The following TEAD1 variants were observed in gnomAD, a reference collection of about 807,000 sequenced individuals.
The protein encoded by TEAD1 is TEA domain transcription factor 1, also known as transcriptional enhancer factor TEF-1.
Under a neutral mutation model 54.9 loss-of-function variants are expected in TEAD1, and 9 were observed. The observed-to-expected ratio is 0.16, with a 90% confidence interval of 0.10 to 0.29. The LOEUF is 0.29. TEAD1 is among the 10% of genes least tolerant of loss of function. TEAD1 has a pLI of 1.00. For synonymous variants in TEAD1, 200 were observed against 187.8 expected, an observed-to-expected ratio of 1.07 and a Z score of -0.53; for missense variants, 387 against 535.9, an observed-to-expected ratio of 0.72 and a Z score of 2.74.
chr11:12,677,136 A>C (rs950983933), intron 2 of TEAD1, among the ~76,000 whole-genome samples: 46 of 152,230 alleles, frequency 3.0e-4, no homozygotes, highest in Admixed American at 2.7e-3. Context: ...CCTGAGAGAG[A>C]TTATTGGAGG....
intron 5 of TEAD1, among the ~76,000 whole-genome samples, chr11:12,877,887 T>A (rs1242007578): frequency 6.6e-5 from 10 of 150,964 alleles, no homozygotes; most frequent in African/African-American, 2.4e-4. Context: ...AGCCTTGACC[T>A]CCCAGGTTCA....
At chr11:12,815,253 T>A (rs1401707797) in intron 3 of TEAD1, among the ~76,000 whole-genome samples, 1 of 151,820 alleles carries the variant, frequency 6.6e-6, no homozygotes, top group Non-Finnish European at 1.5e-5. Flanking sequence ...CTCCCTCCCA[T>A]CCTCCCTTCC....
chr11:12,745,241 A>G (rs139439324), intron 2 of TEAD1, among the ~76,000 whole-genome samples: 16 of 152,362 alleles, frequency 1.1e-4, no homozygotes, highest in East Asian at 9.6e-4. Context: ...AGCAGTGTCA[A>G]TGCTGGTTGA....
At chr11:12,718,992 G>A (rs992746434) in intron 2 of TEAD1, among the ~76,000 whole-genome samples, 1 of 151,344 alleles carries the variant, frequency 6.6e-6, no homozygotes, top group Admixed American at 6.6e-5. Context: ...AAAACTTTGG[G>A]GTTTTTTTTT....
At chr11:12,690,483 G>T (rs947193318) in intron 2 of TEAD1, among the ~76,000 whole-genome samples, 1 of 152,084 alleles carries the variant, frequency 6.6e-6, no homozygotes, top group African/African-American at 2.4e-5. Context: ...AGACTGCCTC[G>T]TTCTGGATTT....
chr11:12,926,566 T>C (rs1948905866), intron 11 of TEAD1, among the ~76,000 whole-genome samples: 1 of 152,060 alleles, frequency 6.6e-6, no homozygotes, highest in African/African-American at 2.4e-5. Flanking sequence ...AAATAGGCAA[T>C]GATTATAGAT....
intron 2 of TEAD1, among the ~76,000 whole-genome samples, chr11:12,725,487 C>T (rs1590087833): frequency 6.6e-6 from 1 of 152,168 alleles, no homozygotes; most frequent in Non-Finnish European, 1.5e-5. Flanking sequence ...GTTCCCAACA[C>T]ATAATAATGA....
chr11:12,731,158 A>C (rs943259751), intron 2 of TEAD1, among the ~76,000 whole-genome samples: 1 of 151,988 alleles, frequency 6.6e-6, no homozygotes, highest in Admixed American at 6.5e-5. Flanking sequence ...TGAATTCCCT[A>C]CCTCTGCTGG....
intron 10 of TEAD1, among the ~76,000 whole-genome samples, chr11:12,906,667 G>C (rs536818951): frequency 6.6e-6 from 1 of 152,106 alleles, no homozygotes; most frequent in East Asian, 1.9e-4. Flanking sequence ...AGGATCTCCT[G>C]TGCCCATTTG....
chr11:12,880,862 T>C, intron 6 of TEAD1, 143 bp from the exon 7 acceptor site: 1 of 912,502 alleles, frequency 1.1e-6, no homozygotes, highest in Non-Finnish European at 1.8e-6. Context: ...GTGCAAGTGG[T>C]GACCGCATTT....
At chr11:12,724,230 C>T (rs917163117) in intron 2 of TEAD1, among the ~76,000 whole-genome samples, 1 of 152,200 alleles carries the variant, frequency 6.6e-6, no homozygotes, top group African/African-American at 2.4e-5. Context: ...AGCTCGTGGG[C>T]TCTCCGTAAT....
At chr11:12,730,694 C>CTTTTTTTT (rs71313457) in intron 2 of TEAD1, among the ~76,000 whole-genome samples, 2 of 65,640 alleles carry the variant, frequency 3.0e-5, no homozygotes, top group Non-Finnish European at 5.4e-5. Flanking sequence ...CTACATAGCT[C>CTTTTTTTT]TTTTTTTTTT....
chr11:12,906,036 C>G (rs1948511880), intron 10 of TEAD1, among the ~76,000 whole-genome samples: 1 of 152,082 alleles, frequency 6.6e-6, no homozygotes, highest in Non-Finnish European at 1.5e-5. Context: ...GTGGAAGATT[C>G]TACTGGCATC....
At chr11:12,891,200 C>T (rs1948190954) in intron 9 of TEAD1, among the ~76,000 whole-genome samples, 1 of 152,160 alleles carries the variant, frequency 6.6e-6, no homozygotes, top group African/African-American at 2.4e-5. Flanking sequence ...AGTAGGTAGC[C>T]ACTGCTACTA....
At chr11:12,834,095 A>G (rs1279642406) in intron 3 of TEAD1, among the ~76,000 whole-genome samples, 2 of 152,226 alleles carry the variant, frequency 1.3e-5, no homozygotes, top group African/African-American at 2.4e-5. Flanking sequence ...ATGTCAAGCA[A>G]CCTGTACTTC....
intron 2 of TEAD1, among the ~76,000 whole-genome samples, chr11:12,678,514 A>T (rs1340446722): frequency 6.6e-6 from 1 of 152,206 alleles, no homozygotes; most frequent in Admixed American, 6.5e-5. Context: ...GATACATTTT[A>T]TTCTTTCATA....
chr11:12,790,669 CTT>C (rs1489323679), intron 3 of TEAD1, among the ~76,000 whole-genome samples: 1 of 152,206 alleles, frequency 6.6e-6, no homozygotes, highest in Non-Finnish European at 1.5e-5. Flanking sequence ...CTGATTCAAA[CTT>C]TTACTACCTT....
At chr11:12,773,476 A>ATACC (rs1291397696) in intron 3 of TEAD1, among the ~76,000 whole-genome samples, 2 of 152,296 alleles carry the variant, frequency 1.3e-5, no homozygotes, top group African/African-American at 4.8e-5. Flanking sequence ...TGTGTAATTG[A>ATACC]TACCTCATGT....
At chr11:12,758,194 G>T (rs1479531391) in intron 2 of TEAD1, among the ~76,000 whole-genome samples, 1 of 151,926 alleles carries the variant, frequency 6.6e-6, no homozygotes. Context: ...GTGCAAATGG[G>T]AGGAGCAATG....
Sources: allele counts gnomAD v4.1 joint callset (sites outside exome capture counted in the v4.1 genomes callset), GRCh38; gene constraint gnomAD v4.1.1; transcripts MANE v1.5; gene names NCBI Gene and HGNC (gene_info 2026-07-23, HGNC 2026-07-21).